The following CNTNAP5 variants were observed in gnomAD, a reference collection of about 807,000 sequenced individuals.
CNTNAP5 encodes the protein contactin-associated protein-like 5.
Under a neutral mutation model 150.2 loss-of-function variants are expected in CNTNAP5, and 72 were observed. The ratio of observed to expected loss-of-function variants is 0.48; its 90% CI spans 0.40 to 0.58. CNTNAP5 has a LOEUF of 0.58. Ranked by LOEUF, CNTNAP5 falls within the 20% of genes least tolerant of loss-of-function variation. The pLI is 0.00. For synonymous variants in CNTNAP5, 672 were observed against 619.8 expected (o/e 1.08, Z -1.25); for missense variants, 1,636 against 1,626.2 (o/e 1.01, Z -0.10).
In CNTNAP5 at chr2:124,445,037, C is replaced by T. The variant is rs192000604; in HGVS notation, c.734-1716C>T. Among the ~76,000 whole-genome samples, 50 of 151,272 alleles carry T rather than the reference C, an allele frequency of 3.3e-4. No homozygotes were observed. The East Asian group carries it at 9.0e-3, about 27-fold the overall frequency. ...CTTTAAACTCTATGTCTCCTTAATA[C>T]ATTACTTGTCACTGTGACCAGCTCA... On this transcript the variant is annotated intron_variant, in intron 5 of 23. Transcript: ENST00000682447.
chr2:124,912,816 T>G (rs1678683674), intron 23 of CNTNAP5, among the ~76,000 whole-genome samples: 1 of 152,068 alleles, frequency 6.6e-6, no homozygotes, highest in African/African-American at 2.4e-5. Flanking sequence ...GCACAGCTGC[T>G]GACTCTGACT....
At chr2:124,381,531 C>A (rs1215924367) in intron 3 of CNTNAP5, among the ~76,000 whole-genome samples, 1 of 152,002 alleles carries the variant, frequency 6.6e-6, no homozygotes, top group African/African-American at 2.4e-5. Flanking sequence ...GTGATAGGAT[C>A]ACCCCCCCCT....
At chr2:124,654,469 T>C (rs1678397395) in intron 13 of CNTNAP5, among the ~76,000 whole-genome samples, 2 of 152,180 alleles carry the variant, frequency 1.3e-5, no homozygotes, top group African/African-American at 4.8e-5. Flanking sequence ...TATCACTCTG[T>C]AACCTCACAT....
At chr2:124,397,745 T>C (rs78995804) in intron 3 of CNTNAP5, among the ~76,000 whole-genome samples, 6,794 of 152,282 alleles carry the variant, frequency 0.045, 205 homozygotes, top group Non-Finnish European at 0.069. Context: ...CCTAAGGTGA[T>C]ACACGAAATA....
intron 3 of CNTNAP5, among the ~76,000 whole-genome samples, chr2:124,346,167 C>T (rs546323714): frequency 2.7e-4 from 41 of 152,100 alleles, no homozygotes; most frequent in Non-Finnish European, 3.5e-4. Context: ...TACTTAAATT[C>T]CAAGACGTTT....
At chr2:124,587,117 C>T (rs1248899240) in intron 11 of CNTNAP5, among the ~76,000 whole-genome samples, 1 of 152,132 alleles carries the variant, frequency 6.6e-6, no homozygotes. Context: ...AAATGGTAAC[C>T]ACTAACTCAA....
chr2:124,291,153 T>C (rs985122021), intron 3 of CNTNAP5, among the ~76,000 whole-genome samples: 3 of 152,052 alleles, frequency 2.0e-5, no homozygotes, highest in South Asian at 4.1e-4. Flanking sequence ...TATAATTTGA[T>C]TTGCGTATAT....
intron 6 of CNTNAP5, 32 bp from the exon 7 acceptor site, chr2:124,474,707 C>T: frequency 6.6e-7 from 1 of 1,511,400 alleles, no homozygotes; most frequent in East Asian, 2.4e-5. Context: ...GAGCTTAAAA[C>T]TAAGAGTTTG....
rs754965653 is a variant in CNTNAP5 at position 124,861,390 on chromosome 2, T to C, written c.3218-3916T>C. 2.0e-5 allele frequency among the ~76,000 whole-genome samples: 3 copies of C among 152,024 alleles called. No individual in the cohort carries two copies. In the East Asian group the frequency reaches 5.8e-4, roughly 30 times the overall value. ...GAGATCAAGAGCAGCCTCGCCAAGA[T>C]GGTGAAACTGCAAGTCTACTAAAAA... On this transcript the variant is annotated intron_variant, in intron 19 of 23. Coordinates refer to ENST00000682447, the MANE Select transcript of CNTNAP5 (RefSeq NM_001367498.1).
intron 1 of CNTNAP5, among the ~76,000 whole-genome samples, chr2:124,129,871 C>T (rs1004118716): frequency 6.6e-6 from 1 of 152,128 alleles, no homozygotes. Flanking sequence ...ACCTGTGTTG[C>T]ATTCTAAAAG....
At chr2:124,256,599 C>T (rs1283731057) in intron 3 of CNTNAP5, among the ~76,000 whole-genome samples, 1 of 152,132 alleles carries the variant, frequency 6.6e-6, no homozygotes, top group Non-Finnish European at 1.5e-5. Context: ...AGGAGCTTAC[C>T]TGCCTCTGTC....
intron 1 of CNTNAP5, among the ~76,000 whole-genome samples, chr2:124,192,044 T>C (rs183318788): frequency 2.3e-4 from 35 of 152,352 alleles, no homozygotes; most frequent in Non-Finnish European, 4.0e-4. Flanking sequence ...GCCTGTGTTC[T>C]TTCATTCCCA....
chr2:124,204,740 T>A (rs760469009), intron 1 of CNTNAP5, among the ~76,000 whole-genome samples: 3 of 152,094 alleles, frequency 2.0e-5, no homozygotes, highest in Non-Finnish European at 4.4e-5. Flanking sequence ...TGAGACTTAT[T>A]CACTATCATG....
chr2:124,653,136 T>C lies in CNTNAP5; in HGVS notation c.2077+5178T>C, dbSNP rs557839811. 5.9e-5 allele frequency among the ~76,000 whole-genome samples: 9 copies of C among 152,318 alleles called. No individual in the cohort carries two copies. In the South Asian group the frequency reaches 1.9e-3, roughly 32 times the overall value. Reference sequence around the variant, plus strand: ...CTCTGTTTACCTACCAGTAACATGCTGGTTAAAAGCCATTCCTATTAATTC... The same window carrying C: ...CTCTGTTTACCTACCAGTAACATGCCGGTTAAAAGCCATTCCTATTAATTC... On this transcript the variant is annotated intron_variant, in intron 13 of 23. Coordinates refer to ENST00000682447, the MANE Select transcript of CNTNAP5 (RefSeq NM_001367498.1).
chr2:124,855,451 G>A (rs1017526982), intron 19 of CNTNAP5, among the ~76,000 whole-genome samples: 1 of 152,080 alleles, frequency 6.6e-6, no homozygotes, highest in Non-Finnish European at 1.5e-5. Context: ...GGGATTGCAG[G>A]CATGAGCCAT....
rs1553480869 is a variant in CNTNAP5 at position 124,571,532 on chromosome 2, T to TC, written c.1756+8209_1756+8210insC. 1.9e-3 allele frequency among the ~76,000 whole-genome samples: 178 copies of TC among 92,434 alleles called. 2 individuals are homozygous for TC. Among genetic ancestry groups the TC allele is most frequent in the Middle Eastern group, 4.9e-3 (1 of 206 alleles). The allele number at this position is 92,434 out of a possible 152,430, so 60.6% of individuals were successfully genotyped here. ...AGTACTTTTTTTTCTTTTTTCTTTT[T>TC]TTTTTTTTTTTTTTTTGAGACAGAG... On this transcript the variant is annotated intron_variant, in intron 11 of 23. Transcript: ENST00000682447.
intron 12 of CNTNAP5, among the ~76,000 whole-genome samples, chr2:124,614,290 C>T (rs917316033): frequency 8.6e-5 from 13 of 152,016 alleles, no homozygotes; most frequent in Admixed American, 1.3e-4. Context: ...CAAGTATTAC[C>T]GCAAAGGGGT....
At chr2:124,747,435 G>A (rs751277140) in intron 14 of CNTNAP5, 50 bp downstream of exon 14, 3 of 1,600,740 alleles carry the variant, frequency 1.9e-6, no homozygotes, top group Non-Finnish European at 2.6e-6. Context: ...CACATTAATT[G>A]ATGCATAAAA....
At chr2:124,577,385 G>A (rs1015835473) in intron 11 of CNTNAP5, among the ~76,000 whole-genome samples, 1 of 152,016 alleles carries the variant, frequency 6.6e-6, no homozygotes, top group Non-Finnish European at 1.5e-5. Flanking sequence ...AGTTTATTTT[G>A]GCTGTTGTTA....
Sources: allele counts gnomAD v4.1 joint callset (sites outside exome capture counted in the v4.1 genomes callset), GRCh38; gene constraint gnomAD v4.1.1; transcripts MANE v1.5; gene names NCBI Gene and HGNC (gene_info 2026-07-23, HGNC 2026-07-21).